CAPG: variants seen among roughly 807,000 people sequenced by gnomAD.
CAPG encodes macrophage-capping protein.
In CAPG, 32 loss-of-function variants were observed where a neutral mutation model predicts 44.6. The observed-to-expected ratio is 0.72, with a 90% confidence interval of 0.54 to 0.96. The LOEUF is 0.96. CAPG is among the 50% of genes least tolerant of loss of function. CAPG has a pLI of 0.00. For synonymous variants in CAPG, 175 were observed against 179.6 expected (o/e 0.97, Z 0.20); for missense variants, 412 against 438.3 (o/e 0.94, Z 0.54).
rs1319375930 is a variant in CAPG at position 85,395,082 on chromosome 2, G to A, written c.982-124C>T. On this transcript the variant is annotated intron_variant, in intron 9 of 9. Transcript: ENST00000263867. The surrounding 1 kb of genome is among the most constrained non-coding windows in gnomAD (Gnocchi z 4.3). The stretch of plus-strand genomic sequence containing the variant: ...GGCGCCTGGCCTGAATCCATGTGCA[G>A]TCCAGGCTGGGAAAGCTCCCCTGGA... 4.3e-6 allele frequency: 3 copies of A among 701,546 alleles called. No homozygotes were observed. Among genetic ancestry groups the A allele is most frequent in the Non-Finnish European group, 7.7e-6 (3 of 389,666 alleles). 43.5% of individuals were successfully genotyped at this position (701,546 alleles called of 1,614,324 possible).
intron 1 of CAPG, chr2:85,408,943 CT>C (rs1687298600): frequency 6.6e-6 from 1 of 152,282 alleles, no homozygotes; most frequent in South Asian, 2.1e-4. Context: ...TATAGCATCC[CT>C]TACCATCCTC....
upstream of CAPG, among the ~76,000 whole-genome samples, chr2:85,412,407 G>A (rs2104858433): frequency 6.6e-6 from 1 of 151,700 alleles, no homozygotes; most frequent in East Asian, 2.0e-4. Flanking sequence ...CAGCTATTCA[G>A]GAGGCTGAGG....
In CAPG at chr2:85,405,697, T is replaced by C. The variant is rs550740022; in HGVS notation, c.-13-3539A>G. On this transcript the variant is annotated intron_variant, in intron 1 of 9. Transcript: ENST00000263867. ...TTTCCTTTCCCAACCTACAAAATAG[T>C]GGAAGGCATATTTTGGCACCACGAT... 4.1e-4 allele frequency among the ~76,000 whole-genome samples: 63 copies of C among 152,262 alleles called. No homozygotes were observed. In the South Asian group the frequency reaches 0.013, roughly 31 times the overall value.
At chr2:85,418,527 C>G (rs1167948224), upstream of CAPG, 1 of 151,032 alleles carries the variant, frequency 6.6e-6, no homozygotes, top group Non-Finnish European at 1.5e-5. Flanking sequence ...AAGCTGCGGC[C>G]TGTGGTGCCT....
intron 1 of CAPG, among the ~76,000 whole-genome samples, chr2:85,410,007 G>A (rs1687348556): frequency 6.6e-6 from 1 of 152,218 alleles, no homozygotes; most frequent in Non-Finnish European, 1.5e-5. Flanking sequence ...AGGAGGTCTG[G>A]CACAGCTGGG....
intron 5 of CAPG, among the ~76,000 whole-genome samples, chr2:85,400,454 A>T (rs1375694034): frequency 6.6e-6 from 1 of 150,638 alleles, no homozygotes; most frequent in African/African-American, 2.4e-5. Context: ...CGCAGCCCAT[A>T]CTCCTCAGCC....
intron 5 of CAPG, among the ~76,000 whole-genome samples, chr2:85,400,140 GTTTT>G (rs911439901): frequency 2.0e-5 from 3 of 152,168 alleles, no homozygotes; most frequent in African/African-American, 7.2e-5. Context: ...GGACATGAAG[GTTTT>G]GTTTGGCTTT....
At chr2:85,417,563 A>G (rs1243906833) in intron 1 of CAPG, among the ~76,000 whole-genome samples, 3 of 150,936 alleles carry the variant, frequency 2.0e-5, no homozygotes, top group African/African-American at 7.3e-5. Flanking sequence ...GCTCACTGCA[A>G]ACTCCGCCTC....
At chr2:85,393,408 C>T (rs1250872826), downstream of CAPG, among the ~76,000 whole-genome samples, 3 of 152,082 alleles carry the variant, frequency 2.0e-5, no homozygotes, top group African/African-American at 7.2e-5. Context: ...AAATACTCCC[C>T]GTCTCTACAA....
At chr2:85,407,821 G>C (rs1454889241) in intron 1 of CAPG, among the ~76,000 whole-genome samples, 2 of 152,098 alleles carry the variant, frequency 1.3e-5, no homozygotes, top group South Asian at 2.1e-4. Flanking sequence ...GTGGAGCCTG[G>C]ATGTCAGTGT....
chr2:85,404,396 T>C (rs921504489), intron 1 of CAPG, among the ~76,000 whole-genome samples: 2 of 152,082 alleles, frequency 1.3e-5, no homozygotes, highest in East Asian at 3.9e-4. Flanking sequence ...CATTCATTCC[T>C]AGTTTAAAAT....
chr2:85,417,873 T>A (rs1381929762), intron 1 of CAPG, among the ~76,000 whole-genome samples: 2 of 152,136 alleles, frequency 1.3e-5, no homozygotes, highest in African/African-American at 2.4e-5. Flanking sequence ...AACACCTCAC[T>A]CATAACCTGG....
chr2:85,395,569 A>G lies in CAPG; in HGVS notation c.950T>C (p.Ile317Thr), dbSNP rs1686556849. 1.2e-6 allele frequency: 2 copies of G among 1,613,920 alleles called. No homozygotes were observed. The highest frequency in any genetic ancestry group is 8.5e-7 in the Non-Finnish European group (1 of 1,179,922). The change falls in exon 9 of 10, where the codon ATC becomes ACC. Residue 317 changes from isoleucine to threonine, a missense_variant. Coordinates refer to ENST00000263867, the MANE Select transcript of CAPG (RefSeq NM_001747.4). This position sits in a 1 kb window ranked among gnomAD's most constrained non-coding sequence, Gnocchi z 4.3. ...GTTCGGGGCGTACTGCATGCGCGAG[A>G]TGAAGCCCTCGGCCACCTGCAGGGC... ...QAALQVAEGF[I>T]SRMQYAPNTQ...
Position 85,398,695 on chromosome 2 carries a change from A to G in CAPG, c.754T>C (p.Tyr252His). The change falls in exon 7 of 10, where the codon TAT (tyrosine) becomes CAT (histidine). Residue 252 changes from tyrosine (Y) to histidine (H), a missense_variant. Tyr to His is a moderately conservative substitution (Grantham distance 83). Transcript: ENST00000263867. ...GGCAGGCTTGGGGGGCCCACCTTAT[A>G]CAGAGCTGCGGCCTGGGCATTTGCC... The part of the protein sequence containing the change: ...DKANAQAAAL[Y>H]KVSDATGQMN... The G allele has an allele frequency of 6.3e-7, 1 of 1,599,692 alleles. No individual in the cohort carries two copies. Among genetic ancestry groups the G allele is most frequent in the Non-Finnish European group, 8.5e-7 (1 of 1,173,272 alleles).
upstream of CAPG, among the ~76,000 whole-genome samples, chr2:85,412,219 T>C (rs911449777): frequency 6.6e-6 from 1 of 151,740 alleles, no homozygotes; most frequent in African/African-American, 2.4e-5. Flanking sequence ...GGCTTAAAAA[T>C]AGGGTAATAT....
rs1686870296 is a variant in CAPG, at chr2:85,401,240, G to A, written c.441C>T (p.Asn147=). ...TCAGTGCCCGCTCGGTGGCACGGAT[G>A]TTCTTCTTCCCCTTCACCTGGTAGA... ...KKLYQVKGKK[N]IRATERALNW... is the part of the protein sequence containing the mutation. The change falls in exon 5 of 10, where the codon AAC becomes AAT. Residue 147 remains asparagine, a synonymous_variant. Transcript: ENST00000263867. 3.1e-6 allele frequency: 5 copies of A among 1,614,160 alleles called. No homozygotes were observed. Among genetic ancestry groups the A allele is most frequent in the East Asian group, 2.2e-5 (1 of 44,880 alleles).
intron 1 of CAPG, among the ~76,000 whole-genome samples, chr2:85,416,121 G>A (rs1187332885): frequency 6.6e-6 from 1 of 152,206 alleles, no homozygotes; most frequent in Non-Finnish European, 1.5e-5. Context: ...AGAAACCCAG[G>A]AGAGAGAAGC....
At chr2:85,400,318 GT>G (rs1226473397) in intron 5 of CAPG, among the ~76,000 whole-genome samples, 1 of 152,138 alleles carries the variant, frequency 6.6e-6, no homozygotes, top group African/African-American at 2.4e-5. Flanking sequence ...CAGAGCCCCT[GT>G]CACCTCTCCT....
At chr2:85,398,889 C>T in intron 6 of CAPG, 107 bp from the exon 7 acceptor site, 1 of 909,336 alleles carries the variant, frequency 1.1e-6, no homozygotes, top group Non-Finnish European at 1.7e-6. Flanking sequence ...GCGCCCTGCA[C>T]TAGGGCACCC....
Sources: gnomAD v4.1 joint callset for allele counts (sites outside exome capture counted in the v4.1 genomes callset) on GRCh38, gnomAD v4.1.1 for gene constraint, Gnocchi (gnomAD v3.1) non-coding constraint, MANE v1.5 for transcripts, NCBI Gene and HGNC (gene_info 2026-07-23, HGNC 2026-07-21) for gene names.